The following DLG2 variants were observed in gnomAD, a reference collection of about 807,000 sequenced individuals.
The protein encoded by DLG2 is disks large homolog 2.
A neutral mutation model predicts 132.5 loss-of-function variants in DLG2; 45 were observed. The observed-to-expected ratio is 0.34, with a 90% CI of 0.27 to 0.44. The LOEUF is 0.44. Ranked by LOEUF, DLG2 falls within the 20% of genes least tolerant of loss-of-function variation. DLG2 has a pLI of 1.00. For synonymous variants in DLG2, 424 were observed against 419.6 expected, an observed-to-expected ratio of 1.01 and a Z score of -0.13; for missense variants, 1,045 against 1,196.9, an observed-to-expected ratio of 0.87 and a Z score of 1.87.
At chr11:84,020,745 T>C (rs2095366610) in intron 11 of DLG2, among the ~76,000 whole-genome samples, 1 of 152,220 alleles carries the variant, frequency 6.6e-6, no homozygotes, top group African/African-American at 2.4e-5. Context: ...GCATAGCCCC[T>C]TCACAATAAT....
At chr11:84,401,304 T>C (rs900547576) in intron 7 of DLG2, among the ~76,000 whole-genome samples, 2 of 152,198 alleles carry the variant, frequency 1.3e-5, no homozygotes, top group African/African-American at 4.8e-5. Flanking sequence ...GTACTTTTCC[T>C]GCATGGAAAA....
chr11:85,261,393 C>T (rs966629643), intron 4 of DLG2, among the ~76,000 whole-genome samples: 1 of 152,024 alleles, frequency 6.6e-6, no homozygotes, highest in Non-Finnish European at 1.5e-5. Context: ...ACCCCCACCA[C>T]ACCTCCCCAT....
rs58290466 is a variant in DLG2, at chr11:83,850,161, T to TGTGTGTGTGTGTGTG, written c.1566-16392_1566-16391insCACACACACACACAC. Among the ~76,000 whole-genome samples, 990 of 126,762 alleles carry TGTGTGTGTGTGTGTG rather than the reference T, an allele frequency of 7.8e-3. 22 individuals are homozygous for TGTGTGTGTGTGTGTG. The highest frequency in any genetic ancestry group is 0.024 in the Admixed American group (313 of 12,856). The allele number at this position is 126,762 out of a possible 152,430, so 83.2% of individuals were successfully genotyped here. On this transcript the variant is annotated intron_variant, in intron 16 of 27. Transcript: ENST00000376104. ...GTGTGTGTGTGTGTGTGTGTGTGTG[T>TGTGTGTGTGTGTGTG]TTTTTTACTTGAGACGGAGTCTCAC... is the stretch of plus-strand genomic sequence containing the variant.
chr11:83,714,175 A>G (rs976687149), intron 18 of DLG2, among the ~76,000 whole-genome samples: 1 of 152,192 alleles, frequency 6.6e-6, no homozygotes. Context: ...AAAACTTTAA[A>G]ATGTCAGTTT....
chr11:85,271,208 G>C (rs1007216530), intron 4 of DLG2, among the ~76,000 whole-genome samples: 16 of 152,222 alleles, frequency 1.1e-4, no homozygotes, highest in African/African-American at 3.9e-4. Context: ...TTAGGTCATG[G>C]CTTCAGAGAG....
At chr11:83,741,359 AAAC>A (rs1321708061) in intron 18 of DLG2, among the ~76,000 whole-genome samples, 1 of 152,180 alleles carries the variant, frequency 6.6e-6, no homozygotes, top group Non-Finnish European at 1.5e-5. Flanking sequence ...AGAAGAAATA[AAAC>A]TATCACTCTT....
intron 6 of DLG2, among the ~76,000 whole-genome samples, chr11:84,866,591 T>C (rs77754322): frequency 6.6e-6 from 1 of 152,318 alleles, no homozygotes; most frequent in East Asian, 1.9e-4. Flanking sequence ...CTGGAATCAC[T>C]GCTAACTTCA....
At chr11:85,503,959 C>A (rs1050211553) in intron 3 of DLG2, among the ~76,000 whole-genome samples, 4 of 152,018 alleles carry the variant, frequency 2.6e-5, no homozygotes, top group Non-Finnish European at 5.9e-5. Flanking sequence ...GGAGGAGGGA[C>A]AGTGATGATG....
chr11:84,194,352 C>A (rs181801616), intron 8 of DLG2, among the ~76,000 whole-genome samples: 1 of 152,114 alleles, frequency 6.6e-6, no homozygotes, highest in African/African-American at 2.4e-5. Flanking sequence ...GAGTTTCTTT[C>A]TTCTGGTGGG....
At chr11:84,700,674 C>T (rs904574633) in intron 6 of DLG2, among the ~76,000 whole-genome samples, 11 of 151,612 alleles carry the variant, frequency 7.3e-5, no homozygotes, top group African/African-American at 1.9e-4. Context: ...AGAGGTTTGA[C>T]GGCTTGCTCA....
intron 15 of DLG2, among the ~76,000 whole-genome samples, chr11:83,898,586 T>C (rs2072471728): frequency 6.6e-6 from 1 of 152,142 alleles, no homozygotes; most frequent in African/African-American, 2.4e-5. Flanking sequence ...TTTTCTATTA[T>C]TACTTTCTAT....
At chr11:83,928,677 T>A (rs565211913) in intron 15 of DLG2, among the ~76,000 whole-genome samples, 1 of 152,126 alleles carries the variant, frequency 6.6e-6, no homozygotes, top group Non-Finnish European at 1.5e-5. Context: ...AGCTGTCACT[T>A]ACTAATGGAT....
intron 18 of DLG2, among the ~76,000 whole-genome samples, chr11:83,661,748 T>C (rs2074327281): frequency 6.6e-6 from 1 of 151,890 alleles, no homozygotes; most frequent in Non-Finnish European, 1.5e-5. Flanking sequence ...ACTGCAAGGC[T>C]CCCTCAATGC....
At chr11:84,245,706 C>A (rs928405532) in intron 8 of DLG2, among the ~76,000 whole-genome samples, 3 of 152,210 alleles carry the variant, frequency 2.0e-5, no homozygotes, top group Non-Finnish European at 4.4e-5. Context: ...TACACATTCA[C>A]TCTCCCTATC....
chr11:85,469,920 A>G (rs1005837722), intron 3 of DLG2, among the ~76,000 whole-genome samples: 6 of 152,132 alleles, frequency 3.9e-5, no homozygotes, highest in African/African-American at 1.4e-4. Flanking sequence ...CCTCTATTCC[A>G]AGGCCTCCAG....
chr11:84,358,698 G>A (rs192739449), intron 7 of DLG2, among the ~76,000 whole-genome samples: 19 of 151,952 alleles, frequency 1.3e-4, no homozygotes, highest in Admixed American at 2.0e-4. Context: ...TTCTGTTCCA[G>A]CTCCCACAAA....
intron 6 of DLG2, among the ~76,000 whole-genome samples, chr11:84,649,725 C>G (rs572143741): frequency 2.1e-4 from 32 of 152,156 alleles, no homozygotes; most frequent in African/African-American, 7.7e-4. Flanking sequence ...CAGATCTTGT[C>G]TTTGGCCCAT....
intron 6 of DLG2, among the ~76,000 whole-genome samples, chr11:84,680,223 T>C (rs2099725271): frequency 6.6e-6 from 1 of 152,180 alleles, no homozygotes. Flanking sequence ...CCAATCATCT[T>C]CAAAGCTGTT....
At chr11:85,395,802 T>C (rs992346092) in intron 3 of DLG2, among the ~76,000 whole-genome samples, 2 of 152,212 alleles carry the variant, frequency 1.3e-5, no homozygotes, top group African/African-American at 4.8e-5. Context: ...CAGCAAGGCC[T>C]ACTGCCTCTA....
Sources: gnomAD v4.1 joint callset for allele counts (sites outside exome capture counted in the v4.1 genomes callset) on GRCh38, gnomAD v4.1.1 for gene constraint, MANE v1.5 for transcripts, NCBI Gene and HGNC (gene_info 2026-07-23, HGNC 2026-07-21) for gene names.